The following FBXL7 variants were observed in gnomAD, a reference collection of about 807,000 sequenced individuals.
FBXL7 encodes F-box/LRR-repeat protein 7.
A neutral mutation model predicts 38.3 loss-of-function variants in FBXL7; 12 were observed. That is an observed-to-expected ratio of 0.31 (90% CI 0.20 to 0.51). The LOEUF is 0.51. FBXL7 is among the 20% of genes least tolerant of loss of function. FBXL7 has a pLI of 0.98. For synonymous variants in FBXL7, 297 were observed against 300.9 expected (o/e 0.99, Z 0.13); for missense variants, 567 against 676.4 (o/e 0.84, Z 1.79).
intron 2 of FBXL7, among the ~76,000 whole-genome samples, chr5:15,853,793 C>G (rs1458904902): frequency 1.3e-5 from 2 of 152,118 alleles, no homozygotes; most frequent in African/African-American, 2.4e-5. Context: ...GTGTTTGTGA[C>G]CAGGAATATG....
chr5:15,625,760 GATA>G (rs1189422583), intron 2 of FBXL7, among the ~76,000 whole-genome samples: 1 of 152,162 alleles, frequency 6.6e-6, no homozygotes, highest in Non-Finnish European at 1.5e-5. Flanking sequence ...GAAAGTGGAA[GATA>G]ATAATTTCAG....
intron 2 of FBXL7, among the ~76,000 whole-genome samples, chr5:15,808,226 G>A (rs781553734): frequency 6.6e-6 from 1 of 151,878 alleles, no homozygotes; most frequent in African/African-American, 2.4e-5. Flanking sequence ...GCATTTTTCA[G>A]ATTTCCTTCA....
At chr5:15,766,970 C>T (rs1188942268) in intron 2 of FBXL7, among the ~76,000 whole-genome samples, 1 of 152,176 alleles carries the variant, frequency 6.6e-6, no homozygotes, top group Non-Finnish European at 1.5e-5. Context: ...TTTTAAAAAT[C>T]TGTAATTTTC....
chr5:15,807,160 T>C lies in FBXL7; in HGVS notation c.128-120730T>C, dbSNP rs374433828. Among the ~76,000 whole-genome samples the C allele has an allele frequency of 1.6e-4, 25 of 152,300 alleles. No individual in the cohort carries two copies. The South Asian group carries it at 5.2e-3, about 32-fold the overall frequency. On this transcript the variant is annotated intron_variant, in intron 2 of 3. Coordinates refer to ENST00000504595, the MANE Select transcript of FBXL7 (RefSeq NM_012304.5). ...TTTCATCACGTTGGTCAGGCTGGTC[T>C]TGAACTCCAGACTTCAGGTGACCCA...
chr5:15,734,132 AAAG>A (rs1465157214), intron 2 of FBXL7, among the ~76,000 whole-genome samples: 2 of 106,448 alleles, frequency 1.9e-5, no homozygotes, highest in Non-Finnish European at 4.1e-5. Flanking sequence ...AAAAAAAAAA[AAAG>A]CTTGTTAATG....
At chr5:15,634,505 TG>T (rs34688260) in intron 2 of FBXL7, among the ~76,000 whole-genome samples, 40,138 of 143,642 alleles carry the variant, frequency 0.28, 5,560 homozygotes, top group Non-Finnish European at 0.3. Flanking sequence ...TATTTTTAGT[TG>T]GGGGGGGGGT....
chr5:15,802,646 C>T (rs1263691835), intron 2 of FBXL7, among the ~76,000 whole-genome samples: 1 of 151,234 alleles, frequency 6.6e-6, no homozygotes, highest in Non-Finnish European at 1.5e-5. Context: ...CTCAGCACCA[C>T]CACATCATCC....
chr5:15,640,428 C>G (rs1353148185), intron 2 of FBXL7, among the ~76,000 whole-genome samples: 1 of 152,146 alleles, frequency 6.6e-6, no homozygotes, highest in Non-Finnish European at 1.5e-5. Flanking sequence ...AGGGTCCACT[C>G]TGCTGCAGGA....
intron 2 of FBXL7, among the ~76,000 whole-genome samples, chr5:15,742,574 CTGATG>C (rs1305551611): frequency 2.6e-5 from 4 of 152,148 alleles, no homozygotes; most frequent in African/African-American, 9.7e-5. Flanking sequence ...GTGACCTATG[CTGATG>C]AACAGGTAGG....
chr5:15,585,299 C>T (rs1194678010), intron 1 of FBXL7, among the ~76,000 whole-genome samples: 1 of 152,074 alleles, frequency 6.6e-6, no homozygotes, highest in Non-Finnish European at 1.5e-5. Flanking sequence ...ATTGTCCATG[C>T]TTGTAGGGAG....
intron 2 of FBXL7, among the ~76,000 whole-genome samples, chr5:15,882,025 G>C (rs1327879437): frequency 6.6e-6 from 1 of 152,132 alleles, no homozygotes; most frequent in Non-Finnish European, 1.5e-5. Flanking sequence ...GCAAGAGGAG[G>C]AGTGTTGGGA....
At chr5:15,625,748 A>G (rs771520129) in intron 2 of FBXL7, among the ~76,000 whole-genome samples, 3 of 152,226 alleles carry the variant, frequency 2.0e-5, no homozygotes, top group Non-Finnish European at 2.9e-5. Context: ...TTGGAAATAT[A>G]TGAAAGTGGA....
intron 2 of FBXL7, among the ~76,000 whole-genome samples, chr5:15,694,994 A>T (rs1453529699): frequency 6.6e-6 from 1 of 152,220 alleles, no homozygotes; most frequent in Non-Finnish European, 1.5e-5. Flanking sequence ...AGCTTTAACA[A>T]GAGCATTTAA....
At chr5:15,816,953 C>T (rs1431566529) in intron 2 of FBXL7, among the ~76,000 whole-genome samples, 1 of 152,190 alleles carries the variant, frequency 6.6e-6, no homozygotes, top group African/African-American at 2.4e-5. Flanking sequence ...TACAAACACA[C>T]CTCTCCGAAT....
intron 2 of FBXL7, among the ~76,000 whole-genome samples, chr5:15,731,166 A>G (rs1170403793): frequency 6.6e-6 from 1 of 152,140 alleles, no homozygotes; most frequent in Non-Finnish European, 1.5e-5. Context: ...GGGAAGAGGG[A>G]GGAAGGATCC....
intron 2 of FBXL7, among the ~76,000 whole-genome samples, chr5:15,904,641 A>G (rs1456484896): frequency 6.6e-6 from 1 of 152,160 alleles, no homozygotes; most frequent in Non-Finnish European, 1.5e-5. Context: ...TATCTTGCAC[A>G]TTAATCTTTG....
At chr5:15,565,047 AT>A (rs1738527228) in intron 1 of FBXL7, among the ~76,000 whole-genome samples, 1 of 152,148 alleles carries the variant, frequency 6.6e-6, no homozygotes, top group African/African-American at 2.4e-5. Flanking sequence ...ATATGCTGCT[AT>A]TAAAATAATA....
intron 1 of FBXL7, 100 bp downstream of exon 1, chr5:15,500,813 C>T (rs376061237): frequency 1.5e-5 from 22 of 1,448,088 alleles, no homozygotes; most frequent in South Asian, 1.1e-4. Flanking sequence ...GCGGCCGTGA[C>T]GCACCCCATT....
intron 1 of FBXL7, among the ~76,000 whole-genome samples, chr5:15,590,897 A>G (rs1480718033): frequency 2.0e-5 from 3 of 152,166 alleles, no homozygotes; most frequent in African/African-American, 7.2e-5. Flanking sequence ...TAAAAGTTGT[A>G]TTATTATTTT....
Sources: gnomAD v4.1 joint callset for allele counts (sites outside exome capture counted in the v4.1 genomes callset) on GRCh38, gnomAD v4.1.1 for gene constraint, MANE v1.5 for transcripts, NCBI Gene and HGNC (gene_info 2026-07-23, HGNC 2026-07-21) for gene names.